The following NALF1 variants were observed in gnomAD, a reference collection of about 807,000 sequenced individuals.
NALF1 encodes family with sequence similarity 155 member A.
NALF1 carries 3 observed loss-of-function variants against 48.4 expected under a neutral mutation model. That is an observed-to-expected ratio of 0.06 (90% confidence interval 0.03 to 0.16). The LOEUF (loss-of-function observed/expected upper bound fraction) is 0.16, where lower values mean the gene tolerates loss of function less well. Among genes scored for constraint, NALF1 ranks in the 10% least tolerant of loss-of-function variants. The pLI, the probability that NALF1 is intolerant of heterozygous loss-of-function variation, is 1.00. For synonymous variants in NALF1, 262 were observed against 245.7 expected (o/e 1.07, Z -0.62); for missense variants, 526 against 571.5 (o/e 0.92, Z 0.81).
chr13:107,709,807 T>C (rs1011326776), intron 1 of NALF1, among the ~76,000 whole-genome samples: 2 of 152,228 alleles, frequency 1.3e-5, no homozygotes, highest in African/African-American at 4.8e-5. Context: ...ATTACAGTGC[T>C]AAGATGACGA....
At chr13:107,746,326 C>T (rs1019501877) in intron 1 of NALF1, among the ~76,000 whole-genome samples, 8 of 152,130 alleles carry the variant, frequency 5.3e-5, no homozygotes, top group African/African-American at 9.7e-5. Flanking sequence ...TTCTTCATAG[C>T]AGCGTGAGAA....
rs561355522 is a variant in NALF1 at position 107,413,411 on chromosome 13, T to A, written c.916-202656A>T. Among the ~76,000 whole-genome samples the A allele has an allele frequency of 2.0e-5, 3 of 152,252 alleles. No individual in the cohort carries two copies. The East Asian group carries it at 5.8e-4, about 29-fold the overall frequency. ...ACCTCATCTATTAAAAAGACCTACA[T>A]GCATATTATAAACAAGTGATAAAGA... On this transcript the variant is annotated intron_variant, in intron 1 of 2. Transcript: ENST00000375915.
chr13:107,575,583 G>A (rs952451944), intron 1 of NALF1, among the ~76,000 whole-genome samples: 4 of 152,190 alleles, frequency 2.6e-5, no homozygotes, highest in South Asian at 2.1e-4. Context: ...ACTTGCCCTC[G>A]TCACCCATGC....
chr13:107,260,784 C>T (rs1003491852), intron 1 of NALF1, among the ~76,000 whole-genome samples: 2 of 152,162 alleles, frequency 1.3e-5, no homozygotes, highest in African/African-American at 2.4e-5. Flanking sequence ...GTGTGGCTAG[C>T]TCTGTTTTCT....
chr13:107,604,841 T>C (rs535840079), intron 1 of NALF1, among the ~76,000 whole-genome samples: 1 of 152,180 alleles, frequency 6.6e-6, no homozygotes, highest in South Asian at 2.1e-4. Flanking sequence ...CATCAGCAAG[T>C]CCCCCTCTCA....
intron 1 of NALF1, among the ~76,000 whole-genome samples, chr13:107,336,746 A>G (rs1385591666): frequency 6.6e-6 from 1 of 152,184 alleles, no homozygotes; most frequent in Non-Finnish European, 1.5e-5. Context: ...CCTGAAAATA[A>G]TCTACAGTCT....
At chr13:107,478,118 T>G (rs2139058271) in intron 1 of NALF1, among the ~76,000 whole-genome samples, 2 of 152,278 alleles carry the variant, frequency 1.3e-5, no homozygotes, top group South Asian at 4.1e-4. Flanking sequence ...TGTCTAACTC[T>G]TATTGCAGTA....
chr13:107,201,445 C>T (rs536829146), intron 2 of NALF1, among the ~76,000 whole-genome samples: 8 of 152,230 alleles, frequency 5.3e-5, no homozygotes, highest in African/African-American at 9.6e-5. Context: ...GACGTGGTGG[C>T]GGGCGCCTGT....
intron 1 of NALF1, among the ~76,000 whole-genome samples, chr13:107,659,123 ACAC>A: frequency 6.6e-6 from 1 of 151,426 alleles, no homozygotes; most frequent in Non-Finnish European, 1.5e-5. Context: ...AGACACACAC[ACAC>A]ACACACACAC....
At chr13:107,297,633 T>C (rs1183028268) in intron 1 of NALF1, among the ~76,000 whole-genome samples, 2 of 152,188 alleles carry the variant, frequency 1.3e-5, no homozygotes, top group African/African-American at 4.8e-5. Flanking sequence ...ACAATGACTG[T>C]CAGAGTGATC....
At chr13:107,862,623 T>A (rs2138651336) in intron 1 of NALF1, among the ~76,000 whole-genome samples, 1 of 152,106 alleles carries the variant, frequency 6.6e-6, no homozygotes, top group African/African-American at 2.4e-5. Flanking sequence ...TATTTAAAAA[T>A]ATTGAGTGAA....
chr13:107,660,107 G>A (rs1202129666), intron 1 of NALF1, among the ~76,000 whole-genome samples: 4 of 151,638 alleles, frequency 2.6e-5, no homozygotes, highest in African/African-American at 9.7e-5. Flanking sequence ...AAATTAAGAT[G>A]ATTTTGATAA....
chr13:107,285,902 G>A (rs1197095378), intron 1 of NALF1, among the ~76,000 whole-genome samples: 4 of 152,132 alleles, frequency 2.6e-5, no homozygotes, highest in African/African-American at 9.7e-5. Flanking sequence ...AGAGTGTAAG[G>A]GATGGATGGA....
chr13:107,692,825 C>T (rs912057579), intron 1 of NALF1, among the ~76,000 whole-genome samples: 3 of 152,174 alleles, frequency 2.0e-5, no homozygotes, highest in African/African-American at 7.2e-5. Context: ...TCCCCATTCA[C>T]TGTCTGCCTG....
At chr13:107,302,121 G>C (rs9587347) in intron 1 of NALF1, among the ~76,000 whole-genome samples, 8,825 of 152,164 alleles carry the variant, frequency 0.058, 431 homozygotes, top group African/African-American at 0.12. Context: ...GAGTGGGACT[G>C]GTGGCTTCAA....
At chr13:107,815,200 T>C (rs975498716) in intron 1 of NALF1, among the ~76,000 whole-genome samples, 6 of 152,066 alleles carry the variant, frequency 3.9e-5, no homozygotes, top group African/African-American at 1.4e-4. Flanking sequence ...AAGGGCACTA[T>C]CAATAAATCT....
At chr13:107,353,768 G>C (rs1320951074) in intron 1 of NALF1, among the ~76,000 whole-genome samples, 1 of 152,178 alleles carries the variant, frequency 6.6e-6, no homozygotes, top group Non-Finnish European at 1.5e-5. Flanking sequence ...TCCAAGTGTT[G>C]AGTGCTCATG....
chr13:107,863,695 G>T (rs557252113), intron 1 of NALF1, among the ~76,000 whole-genome samples: 37 of 152,210 alleles, frequency 2.4e-4, no homozygotes, highest in Middle Eastern at 6.8e-3. Context: ...TCCAGAAGTA[G>T]GCAATAACGT....
intron 1 of NALF1, among the ~76,000 whole-genome samples, chr13:107,547,686 C>A (rs1877171582): frequency 1.3e-5 from 2 of 152,172 alleles, no homozygotes; most frequent in Non-Finnish European, 2.9e-5. Flanking sequence ...ACTGTCCTTG[C>A]ATCTATATCA....
Sources: gnomAD v4.1 joint callset for allele counts (sites outside exome capture counted in the v4.1 genomes callset) on GRCh38, gnomAD v4.1.1 for gene constraint, MANE v1.5 for transcripts, NCBI Gene and HGNC (gene_info 2026-07-23, HGNC 2026-07-21) for gene names.